The following TES variants were observed in gnomAD, a reference collection of about 807,000 sequenced individuals.
TES encodes the protein testin.
Under a neutral mutation model 48.2 loss-of-function variants are expected in TES, and 41 were observed. The ratio of observed to expected loss-of-function variants is 0.85; its 90% confidence interval spans 0.66 to 1.10. The LOEUF is 1.10. Among genes scored for constraint, TES ranks in the 50% least tolerant of loss-of-function variants. The pLI is 0.00. For synonymous variants in TES, 162 were observed against 174.9 expected, an observed-to-expected ratio of 0.93 and a Z score of 0.58; for missense variants, 463 against 515.1, an observed-to-expected ratio of 0.90 and a Z score of 0.98.
intron 2 of TES, among the ~76,000 whole-genome samples, chr7:116,241,084 C>T (rs1050454500): frequency 1.3e-5 from 2 of 152,274 alleles, no homozygotes; most frequent in African/African-American, 2.4e-5. Flanking sequence ...ATGTGATAAA[C>T]GTCCCACTTA....
chr7:116,222,956 G>T, intron 1 of TES: 1 of 984,780 alleles, frequency 1.0e-6, no homozygotes, highest in Non-Finnish European at 1.2e-6. Context: ...GCCCTACATT[G>T]TCTTTCTCAA....
At position 116,249,499 on chromosome 7, in the gene TES, T is replaced by A. The variant is rs1406932691; in HGVS notation, c.366+227T>A. ...TATGTTTACCTTTTTGAGGGAATGG[T>A]CTAACGTTCTTAATAATTAGATGGA... On this transcript the variant is annotated intron_variant, in intron 3 of 6. Transcript: ENST00000358204. 18 of 492,436 alleles carry A rather than the reference T, an allele frequency of 3.7e-5. No individual in the cohort carries two copies. The South Asian group carries it at 4.8e-4, about 13-fold the overall frequency. The allele number at this position is 492,436 out of a possible 1,614,324, so 30.5% of individuals were successfully genotyped here.
Position 116,249,271 on chromosome 7 carries a change from T to A in TES, c.365T>A (p.Leu122Ter). The A allele has an allele frequency of 6.2e-7, 1 of 1,613,960 alleles. No individual in the cohort carries two copies. Among genetic ancestry groups the A allele is most frequent in the Non-Finnish European group, 8.5e-7 (1 of 1,179,932 alleles). Residue 122 changes from leucine to a stop codon, truncating the protein, a stop_gained and splice_region_variant, in exon 3 of 7, where the codon TTG becomes TAG. Transcript: ENST00000358204. LOFTEE classifies it high-confidence loss of function. ...GCTCCTCCTGTCCAGAATCAAGCATTGGTAAATGATATGGAACAGAGAGTT... is the reference window on the plus strand; with the variant it reads ...GCTCCTCCTGTCCAGAATCAAGCATAGGTAAATGATATGGAACAGAGAGTT... ...EWAPPVQNQA[L>*]ARQYMQMLPK...
chr7:116,236,504 C>T (rs1003022416), intron 2 of TES, among the ~76,000 whole-genome samples: 8 of 152,118 alleles, frequency 5.3e-5, no homozygotes, highest in African/African-American at 1.9e-4. Flanking sequence ...CAAGATATCT[C>T]ATTGTTTATG....
intron 4 of TES, among the ~76,000 whole-genome samples, chr7:116,251,062 A>G (rs1021316972): frequency 2.0e-5 from 3 of 152,234 alleles, no homozygotes. Flanking sequence ...TATATTCCTC[A>G]TAGCTCCAGT....
At position 116,257,921 on chromosome 7, in the gene TES, G is replaced by T. The variant is rs576617424; in HGVS notation, c.*439G>T. The T allele has an allele frequency of 6.5e-4, 101 of 155,738 alleles. No individual in the cohort carries two copies. Among genetic ancestry groups the T allele is most frequent in the Non-Finnish European group, 8.7e-4 (61 of 70,136 alleles). The allele number at this position is 155,738 out of a possible 1,614,324, so 9.6% of individuals were successfully genotyped here. On this transcript the variant is annotated 3_prime_UTR_variant, in exon 7 of 7. Transcript: ENST00000358204. ...ACCAAGGCGCTACGTTTATTGCCTC[G>T]TCTTATTCACTGACCTTTGTAATGA...
intron 1 of TES, among the ~76,000 whole-genome samples, chr7:116,221,706 G>A (rs935898395): frequency 2.0e-5 from 3 of 152,152 alleles, no homozygotes; most frequent in Non-Finnish European, 4.4e-5. Context: ...AAGAATCAAT[G>A]TACTGAAACT....
chr7:116,230,116 C>T (rs1799678568), intron 1 of TES, among the ~76,000 whole-genome samples: 1 of 152,096 alleles, frequency 6.6e-6, no homozygotes, highest in Non-Finnish European at 1.5e-5. Context: ...ATTTTGAAAA[C>T]TTGGTGTCAT....
chr7:116,233,506 C>T (rs1304901863), intron 1 of TES, among the ~76,000 whole-genome samples: 1 of 152,212 alleles, frequency 6.6e-6, no homozygotes, highest in African/African-American at 2.4e-5. Context: ...ACTCAAATCT[C>T]TACCATTTAT....
chr7:116,249,948 A>G (rs1410524709), intron 3 of TES: 1 of 387,614 alleles, frequency 2.6e-6, no homozygotes, highest in Admixed American at 4.5e-5. Context: ...AAAAATATAT[A>G]ATTTCATGGA....
intron 1 of TES, among the ~76,000 whole-genome samples, chr7:116,219,440 G>A (rs750229607): frequency 3.5e-4 from 53 of 152,152 alleles, no homozygotes; most frequent in Non-Finnish European, 6.9e-4. Flanking sequence ...TATTGAGAGA[G>A]AGGAGGAAAT....
chr7:116,217,830 T>G (rs1451369423), intron 1 of TES: 1 of 517,388 alleles, frequency 1.9e-6, no homozygotes, highest in African/African-American at 1.9e-5. Flanking sequence ...ACAAAAGAGC[T>G]GCCATTTAGC....
intron 1 of TES, among the ~76,000 whole-genome samples, chr7:116,217,055 A>G (rs978211119): frequency 2.0e-5 from 3 of 152,184 alleles, no homozygotes; most frequent in Non-Finnish European, 1.5e-5. Context: ...CTTGTATCAT[A>G]GAATTATGCT....
chr7:116,235,980 C>T (rs144444777), intron 2 of TES, among the ~76,000 whole-genome samples: 50 of 152,198 alleles, frequency 3.3e-4, no homozygotes, highest in African/African-American at 1.1e-3. Flanking sequence ...AGTTTTGATA[C>T]AATTCTTCAG....
Position 116,210,717 on chromosome 7 carries a change from GA to G in TES, c.14del (p.Asn5ThrfsTer3). MDL[E>X]NKVKKMGLGH... is the part of the protein sequence containing the mutation. Reference sequence around the variant, plus strand: ...CATAGGACGCGTTAACATGGACCTGGAAAACAAAGTGAAGAAGGTAGGGGGG... The same window carrying G: ...CATAGGACGCGTTAACATGGACCTGGAAACAAAGTGAAGAAGGTAGGGGGG... On this transcript the variant is annotated frameshift_variant, in exon 1 of 7. Coordinates refer to ENST00000358204, the MANE Select transcript of TES (RefSeq NM_015641.4). LOFTEE classifies it high-confidence loss of function. The G allele has an allele frequency of 1.6e-6, 2 of 1,259,588 alleles. No individual in the cohort carries two copies. Among genetic ancestry groups the G allele is most frequent in the South Asian group, 3.4e-5 (1 of 29,358 alleles). The allele number at this position is 1,259,588 out of a possible 1,614,324, so 78.0% of individuals were successfully genotyped here. A position where few individuals can be genotyped will look rare whatever the true frequency, so the allele number is the denominator to read the frequency against.
chr7:116,239,987 A>G (rs917824123), intron 2 of TES, among the ~76,000 whole-genome samples: 4 of 152,196 alleles, frequency 2.6e-5, no homozygotes, highest in African/African-American at 9.7e-5. Context: ...AAAGTCTCCT[A>G]ATAAAACAGT....
chr7:116,238,789 C>T (rs566935608), intron 2 of TES, among the ~76,000 whole-genome samples: 8 of 151,874 alleles, frequency 5.3e-5, no homozygotes, highest in African/African-American at 7.2e-5. Context: ...TTAGTAGAGA[C>T]GGGGTTTCAC....
chr7:116,257,653 C>T lies in TES; in HGVS notation c.*171C>T. ...TTCTTCATCAATTTTTTTTCGGTCTCAACTTTTAAACTTGGTTTAAGCATT... is the reference window on the plus strand; with the variant it reads ...TTCTTCATCAATTTTTTTTCGGTCTTAACTTTTAAACTTGGTTTAAGCATT... On this transcript the variant is annotated 3_prime_UTR_variant, in exon 7 of 7. Coordinates refer to ENST00000358204, the MANE Select transcript of TES (RefSeq NM_015641.4). 1 of 539,042 alleles carries T rather than the reference C, an allele frequency of 1.9e-6. No homozygotes were observed. The highest frequency in any genetic ancestry group is 3.1e-6 in the Non-Finnish European group (1 of 326,314). 33.4% of individuals were successfully genotyped at this position (539,042 alleles called of 1,614,324 possible). A position where few individuals can be genotyped will look rare whatever the true frequency, so the allele number is the denominator to read the frequency against.
chr7:116,214,258 A>G (rs923293166), intron 1 of TES, among the ~76,000 whole-genome samples: 7 of 152,150 alleles, frequency 4.6e-5, no homozygotes, highest in Non-Finnish European at 1.0e-4. Context: ...GTCATTAGCC[A>G]AAAAAGCATA....
Sources: allele counts gnomAD v4.1 joint callset (sites outside exome capture counted in the v4.1 genomes callset), GRCh38; gene constraint gnomAD v4.1.1; transcripts MANE v1.5; gene names NCBI Gene and HGNC (gene_info 2026-07-23, HGNC 2026-07-21).